EEF2: variants seen among roughly 807,000 people sequenced by gnomAD.
EEF2 encodes elongation factor 2.
A neutral mutation model predicts 85.3 loss-of-function variants in EEF2; 21 were observed. The observed-to-expected ratio is 0.25, with a 90% CI of 0.17 to 0.35. The LOEUF is 0.35. Among genes scored for constraint, EEF2 ranks in the 10% least tolerant of loss-of-function variants. The pLI, the probability that EEF2 is intolerant of heterozygous loss-of-function variation, is 1.00. For synonymous variants in EEF2, 723 were observed against 508.8 expected (o/e 1.42, Z -5.67); for missense variants, 825 against 1,225.3 (o/e 0.67, Z 4.88).
At position 3,979,449 on chromosome 19, in the gene EEF2, C is replaced by G. The variant is rs35465515; in HGVS notation, c.1606-13G>C. On this transcript the variant is annotated splice_polypyrimidine_tract_variant and intron_variant, in intron 10 of 14. Transcript: ENST00000309311. ...CCTCGATGATGCACTGAAAGGGATG[C>G]GGGTCAGCACCAAAGGGGTAGGCGG... is the stretch of plus-strand genomic sequence containing the variant. 2 of 1,608,910 alleles carry G rather than the reference C, an allele frequency of 1.2e-6. No homozygotes were observed. Among genetic ancestry groups the G allele is most frequent in the Admixed American group, 3.3e-5 (2 of 59,850 alleles).
At chr19:3,979,482 C>T (rs1023595726) in intron 10 of EEF2, 46 bp from the exon 11 acceptor site, 1 of 1,487,742 alleles carries the variant, frequency 6.7e-7, no homozygotes. Context: ...CGGCTCGGAA[C>T]AGGCGGGACC....
chr19:3,980,860 C>T lies in EEF2; in HGVS notation c.1131G>A (p.Pro377=), dbSNP rs746021818. ...YRCELLYEGP[P]DDEAAMGIKS... ...ACGTACCCATGGCAGCCTCGTCGTC[C>T]GGGGGCCCCTCGTACAGGAGCTCGC... The change falls in exon 8 of 15, where the codon CCG becomes CCA. Residue 377 remains proline (P), a synonymous_variant. Coordinates refer to ENST00000309311, the MANE Select transcript of EEF2 (RefSeq NM_001961.4). 2.9e-5 allele frequency: 46 copies of T among 1,564,526 alleles called. No homozygotes were observed. The highest frequency in any genetic ancestry group is 5.8e-5 in the South Asian group (5 of 86,144).
chr19:3,978,145 C>T lies in EEF2; in HGVS notation c.1741G>A (p.Glu581Lys). The T allele has an allele frequency of 1.4e-6, 2 of 1,461,988 alleles. No homozygotes were observed. Among genetic ancestry groups the T allele is most frequent in the Non-Finnish European group, 1.8e-6 (2 of 1,099,858 alleles). 90.6% of individuals were successfully genotyped at this position (1,461,988 alleles called of 1,614,324 possible). ...KKSDPVVSYR[E>K]TVSEESNVLC... ...ACGTTCGACTCTTCACTGACCGTCT[C>T]GCGGTACGAGACGACCGGGTCAGAT... Residue 581 changes from glutamate to lysine, a missense_variant, in exon 12 of 15, where the codon GAG becomes AAG. Glu to Lys is a moderately conservative substitution (Grantham distance 56, BLOSUM62 1). Transcript: ENST00000309311.
In EEF2 at chr19:3,977,879, C is replaced by A. The variant is rs986429881; in HGVS notation, c.2007G>T (p.Val669=). The A allele has an allele frequency of 2.5e-6, 4 of 1,612,918 alleles. No homozygotes were observed. The highest frequency in any genetic ancestry group is 3.4e-6 in the Non-Finnish European group (4 of 1,179,468). ...PNILTDITKG[V]QYLNEIKDSV... is the part of the protein sequence containing the mutation. ...TGTCCTTGATCTCGTTGAGGTACTGCACACCCTTGGTGATGTCGGTGAGGA... is the reference window on the plus strand; with the variant it reads ...TGTCCTTGATCTCGTTGAGGTACTGAACACCCTTGGTGATGTCGGTGAGGA... Residue 669 remains valine, a synonymous_variant, in exon 12 of 15, where the codon GTG becomes GTT. Coordinates refer to ENST00000309311, the MANE Select transcript of EEF2 (RefSeq NM_001961.4). This position sits in a 1 kb window ranked among gnomAD's most constrained non-coding sequence, Gnocchi z 5.4.
Position 3,981,414 on chromosome 19 carries a change from T to C in EEF2, c.936A>G (p.Thr312=), listed in dbSNP as rs1414486290. The change falls in exon 7 of 15, where the codon ACA becomes ACG. Residue 312 remains threonine, a synonymous_variant. Transcript: ENST00000309311. ...TGTCCAGTTTCTCTATCAGTTTTGC[T>C]GTCTCCTCTTTCTTGAAATTCATGA... ...DAIMNFKKEE[T]AKLIEKLDIK... The C allele has an allele frequency of 4.3e-6, 7 of 1,614,118 alleles. No individual in the cohort carries two copies. The highest frequency in any genetic ancestry group is 3.3e-5 in the South Asian group (3 of 91,086).
rs2039717888 is a variant in EEF2, at chr19:3,979,447, T to C, written c.1606-11A>G. On this transcript the variant is annotated splice_polypyrimidine_tract_variant and intron_variant, in intron 10 of 14. Coordinates refer to ENST00000309311, the MANE Select transcript of EEF2 (RefSeq NM_001961.4). ...CTCCTCGATGATGCACTGAAAGGGA[T>C]GCGGGTCAGCACCAAAGGGGTAGGC... 6.2e-7 allele frequency: 1 copy of C among 1,611,522 alleles called. No individual in the cohort carries two copies. Among genetic ancestry groups the C allele is most frequent in the African/African-American group, 1.3e-5 (1 of 75,018 alleles).
chr19:3,985,410 T>A lies in EEF2; in HGVS notation c.-30A>T, dbSNP rs1568203941. 2.0e-6 allele frequency: 3 copies of A among 1,492,230 alleles called. No homozygotes were observed. The highest frequency in any genetic ancestry group is 2.7e-6 in the Non-Finnish European group (3 of 1,115,104). The allele number at this position is 1,492,230 out of a possible 1,614,324, so 92.4% of individuals were successfully genotyped here. On this transcript the variant is annotated 5_prime_UTR_variant, in exon 1 of 15. Transcript: ENST00000309311. ...GCGGATGGCGGTGGATTCTCCCAGG[T>A]AGAACCGAAAGAAGCGAGTCGCGCC...
At chr19:3,984,970 T>G in intron 1 of EEF2, 1 of 152,486 alleles carries the variant, frequency 6.6e-6, no homozygotes. Flanking sequence ...GGTGTCGCTT[T>G]GCTCGTTCTG....
Position 3,979,443 on chromosome 19 carries a change from G to T in EEF2, c.1606-7C>A. 6.2e-7 allele frequency: 1 copy of T among 1,612,192 alleles called. No individual in the cohort carries two copies. The highest frequency in any genetic ancestry group is 8.5e-7 in the Non-Finnish European group (1 of 1,179,426). The stretch of plus-strand genomic sequence containing the variant: ...CCGACTCCTCGATGATGCACTGAAA[G>T]GGATGCGGGTCAGCACCAAAGGGGT... On this transcript the variant is annotated splice_polypyrimidine_tract_variant and splice_region_variant and intron_variant, in intron 10 of 14. Transcript: ENST00000309311.
At position 3,983,310 on chromosome 19, in the gene EEF2, C is replaced by G; in HGVS notation, c.219-19G>C. On this transcript the variant is annotated intron_variant, in intron 2 of 14. Transcript: ENST00000309311. ...GATGGCACTGATGGAGGGAGGGACTCGTCAGGGGGACAGGAGCCACACACC... is the reference window on the plus strand; with the variant it reads ...GATGGCACTGATGGAGGGAGGGACTGGTCAGGGGGACAGGAGCCACACACC... 1 of 1,608,624 alleles carries G rather than the reference C, an allele frequency of 6.2e-7. No individual in the cohort carries two copies. Among genetic ancestry groups the G allele is most frequent in the Non-Finnish European group, 8.5e-7 (1 of 1,176,978 alleles).
chr19:3,984,531 G>A (rs927004403), intron 1 of EEF2, among the ~76,000 whole-genome samples, 181 bp from the exon 2 acceptor site: 1 of 152,158 alleles, frequency 6.6e-6, no homozygotes, highest in Admixed American at 6.5e-5. Flanking sequence ...CAATCTCCAA[G>A]GAACCACCGT....
chr19:3,976,772 C>A, intron 14 of EEF2, 25 bp from the exon 15 acceptor site: 2 of 1,516,764 alleles, frequency 1.3e-6, no homozygotes, highest in African/African-American at 1.4e-5. Flanking sequence ...GAGAGGCTCA[C>A]TGGGCCATCG....
rs762204921 is a variant in EEF2, at chr19:3,981,369, G to A, written c.981C>T (p.Asp327=). The A allele has an allele frequency of 1.5e-5, 25 of 1,614,106 alleles. No individual in the cohort carries two copies. Among genetic ancestry groups the A allele is most frequent in the Non-Finnish European group, 1.9e-5 (23 of 1,180,054 alleles). The change falls in exon 7 of 15, where the codon GAC becomes GAT. Residue 327 remains aspartate (D), a synonymous_variant. Transcript: ENST00000309311. Reference sequence around the variant, plus strand: ...GCAGGGGTTTGCCTTCTTTGTCCTTGTCCTCGCTGTCCAGTTTGATGTCCA... The same window carrying A: ...GCAGGGGTTTGCCTTCTTTGTCCTTATCCTCGCTGTCCAGTTTGATGTCCA... ...EKLDIKLDSE[D]KDKEGKPLLK...
In EEF2 at chr19:3,985,454, G is replaced by A. The variant is rs566467243; in HGVS notation, c.-74C>T. 1.1e-5 allele frequency: 16 copies of A among 1,413,320 alleles called. No individual in the cohort carries two copies. Among genetic ancestry groups the A allele is most frequent in the Admixed American group, 3.1e-5 (1 of 32,490 alleles). The allele number at this position is 1,413,320 out of a possible 1,614,324, so 87.5% of individuals were successfully genotyped here. On this transcript the variant is annotated 5_prime_UTR_variant, in exon 1 of 15. Transcript: ENST00000309311. ...TCGCGCCGAGGATGGCGGCGACGACGGCGGAAGAGAACGCTGACGTCAACA... is the reference window on the plus strand; with the variant it reads ...TCGCGCCGAGGATGGCGGCGACGACAGCGGAAGAGAACGCTGACGTCAACA...
At chr19:3,976,875 C>T (rs2039685680) in intron 14 of EEF2, 128 bp from the exon 15 acceptor site, 2 of 1,130,502 alleles carry the variant, frequency 1.8e-6, no homozygotes, top group Non-Finnish European at 2.4e-6. Flanking sequence ...CGGCCTGGTG[C>T]CCAGCACTTC....
In EEF2 at chr19:3,977,506, T is replaced by C. The variant is rs777557385; in HGVS notation, c.2172A>G (p.Thr724=). 3.0e-5 allele frequency: 48 copies of C among 1,591,780 alleles called. No homozygotes were observed. The highest frequency in any genetic ancestry group is 1.7e-4 in the Middle Eastern group (1 of 6,028). ...IHRGGGQIIP[T]ARRCLYASVL... ...CACTGGCATAGAGGCAGCGCCGTGC[T>C]GTGGGGATGATCTGGCCCCCTCCGC... is the stretch of plus-strand genomic sequence containing the variant. Residue 724 remains threonine, a synonymous_variant, in exon 13 of 15, where the codon ACA becomes ACG. Coordinates refer to ENST00000309311, the MANE Select transcript of EEF2 (RefSeq NM_001961.4). This position sits in a 1 kb window ranked among gnomAD's most constrained non-coding sequence, Gnocchi z 5.4.
Position 3,979,687 on chromosome 19 carries a change from C to T in EEF2, c.1605+121G>A, listed in dbSNP as rs975713119. On this transcript the variant is annotated intron_variant, in intron 10 of 14. Coordinates refer to ENST00000309311, the MANE Select transcript of EEF2 (RefSeq NM_001961.4). ...TCCATTTACAGCCACAGCCAAGAAC[C>T]CCTCCTTTCATGACCAGTCACCCCA... The T allele has an allele frequency of 9.0e-6, 13 of 1,440,322 alleles. No homozygotes were observed. In the Admixed American group the frequency reaches 2.5e-4, roughly 28 times the overall value. 89.2% of individuals were successfully genotyped at this position (1,440,322 alleles called of 1,614,324 possible). A position where few individuals can be genotyped will look rare whatever the true frequency, so the allele number is the denominator to read the frequency against.
Position 3,980,665 on chromosome 19 carries a change from A to G in EEF2, c.1195T>C (p.Ser399Pro). The change falls in exon 9 of 15, where the codon TCC becomes CCC. Residue 399 changes from serine to proline, a missense_variant. Coordinates refer to ENST00000309311, the MANE Select transcript of EEF2 (RefSeq NM_001961.4). ...DPKGPLMMYISKMVPTSDKGR... is the reference protein window; with the variant it reads ...DPKGPLMMYIPKMVPTSDKGR... ...TTGTCGGAGGTTGGCACCATTTTGG[A>G]AATATACATCATAAGAGGGCCTTTG... The G allele has an allele frequency of 6.2e-7, 1 of 1,614,186 alleles. No individual in the cohort carries two copies. The highest frequency in any genetic ancestry group is 8.5e-7 in the Non-Finnish European group (1 of 1,180,034).
chr19:3,980,167 G>C lies in EEF2; in HGVS notation c.1347-101C>G. The C allele has an allele frequency of 7.4e-6, 11 of 1,489,200 alleles. No individual in the cohort carries two copies. In the South Asian group the frequency reaches 1.2e-4, roughly 16 times the overall value. The allele number at this position is 1,489,200 out of a possible 1,614,324, so 92.2% of individuals were successfully genotyped here. A position where few individuals can be genotyped will look rare whatever the true frequency, so the allele number is the denominator to read the frequency against. On this transcript the variant is annotated intron_variant, in intron 9 of 14. Transcript: ENST00000309311. ...CCGGAGTTGGTGGCCCTCCTGCCAG[G>C]TCCCAGGGCAGACTGGTGGCTTCCA...
Sources: allele counts gnomAD v4.1 joint callset (sites outside exome capture counted in the v4.1 genomes callset), GRCh38; gene constraint gnomAD v4.1.1; non-coding constraint Gnocchi (gnomAD v3.1); transcripts MANE v1.5; gene names NCBI Gene and HGNC (gene_info 2026-07-23, HGNC 2026-07-21).